The following DAB1 variants were observed in gnomAD, a reference collection of about 807,000 sequenced individuals.
DAB1 encodes the protein disabled homolog 1.
DAB1 carries 15 observed loss-of-function variants against 64.6 expected under a neutral mutation model. That is an observed-to-expected ratio of 0.23 (90% CI 0.16 to 0.36). DAB1 has a LOEUF of 0.36. Ranked by LOEUF, DAB1 falls within the 10% of genes least tolerant of loss-of-function variation. DAB1 has a pLI of 1.00. For synonymous variants in DAB1, 235 were observed against 251.9 expected (o/e 0.93, Z 0.64); for missense variants, 596 against 706.7 (o/e 0.84, Z 1.78).
chr1:58,182,514 C>G (rs1410709494), intron 4 of DAB1, among the ~76,000 whole-genome samples: 1 of 151,862 alleles, frequency 6.6e-6, no homozygotes, highest in Non-Finnish European at 1.5e-5. Flanking sequence ...TGGATAAGTC[C>G]TATTTATCTA....
rs76594634 is a variant in DAB1 at position 58,341,420 on chromosome 1, C to G, written n.309+1932G>C. 6.4e-3 allele frequency among the ~76,000 whole-genome samples: 970 copies of G among 152,278 alleles called. 7 individuals are homozygous for G. The highest frequency in any genetic ancestry group is 0.021 in the African/African-American group (879 of 41,554). ...ATTCCCAGTTTCATGCTCTTTCAAT[C>G]TACTCTACCACTTATGATAGTGGGA... is the stretch of plus-strand genomic sequence containing the variant. On this transcript the variant is annotated intron_variant and non_coding_transcript_variant, in intron 4 of 20. Coordinates refer to the DAB1 transcript ENST00000485760.
intron 1 of DAB1, among the ~76,000 whole-genome samples, chr1:58,546,012 G>A (rs1646697118): frequency 6.6e-6 from 1 of 152,174 alleles, no homozygotes; most frequent in Non-Finnish European, 1.5e-5. Flanking sequence ...TGCCAAATAA[G>A]GGATTTTCAT....
At chr1:58,533,385 A>G (rs2100480304) in intron 1 of DAB1, among the ~76,000 whole-genome samples, 1 of 152,358 alleles carries the variant, frequency 6.6e-6, no homozygotes, top group East Asian at 1.9e-4. Flanking sequence ...TATATAAAAT[A>G]GTAATAATAA....
intron 4 of DAB1, among the ~76,000 whole-genome samples, chr1:57,106,975 A>G (rs763102247): frequency 1.3e-5 from 2 of 152,218 alleles, no homozygotes; most frequent in Non-Finnish European, 2.9e-5. Context: ...TGGTCAGGTT[A>G]TCATGAGGCT....
intron 4 of DAB1, among the ~76,000 whole-genome samples, chr1:58,181,167 T>C (rs142561536): frequency 1.2e-3 from 190 of 152,278 alleles, no homozygotes; most frequent in East Asian, 6.9e-3. Context: ...TAGTTGCATA[T>C]ATATTTTAAT....
chr1:57,260,178 T>C (rs550726181), intron 2 of DAB1, among the ~76,000 whole-genome samples: 1 of 152,160 alleles, frequency 6.6e-6, no homozygotes, highest in Non-Finnish European at 1.5e-5. Flanking sequence ...ACACCAGGGC[T>C]GTGCTCTGTG....
At chr1:58,507,256 T>C (rs150643535) in intron 2 of DAB1, among the ~76,000 whole-genome samples, 1 of 152,026 alleles carries the variant, frequency 6.6e-6, no homozygotes, top group Admixed American at 6.6e-5. Flanking sequence ...TTCCCAATGA[T>C]TTTATTTTTG....
chr1:58,172,172 G>A (rs1387122123), intron 4 of DAB1, among the ~76,000 whole-genome samples: 1 of 152,188 alleles, frequency 6.6e-6, no homozygotes, highest in Non-Finnish European at 1.5e-5. Flanking sequence ...GCAGGCCCTA[G>A]TACAACCTCC....
At chr1:57,151,850 A>G (rs569416841) in intron 2 of DAB1, among the ~76,000 whole-genome samples, 3 of 111,242 alleles carry the variant, frequency 2.7e-5, no homozygotes, top group Admixed American at 1.4e-4. Flanking sequence ...GTCTCGCTCT[A>G]TTGCCCAGGC....
chr1:57,883,562 TTC>T (rs1644177818), intron 1 of DAB1, among the ~76,000 whole-genome samples: 2 of 152,360 alleles, frequency 1.3e-5, no homozygotes, highest in African/African-American at 4.8e-5. Flanking sequence ...AGCAGCATAT[TTC>T]TGTCACTTAT....
At chr1:57,554,021 G>C (rs1644958527) in intron 7 of DAB1, among the ~76,000 whole-genome samples, 1 of 152,200 alleles carries the variant, frequency 6.6e-6, no homozygotes, top group African/African-American at 2.4e-5. Context: ...TTGAGGATGA[G>C]AGAGACCTAA....
At chr1:58,330,133 G>A (rs1371561420) in intron 4 of DAB1, among the ~76,000 whole-genome samples, 2 of 152,178 alleles carry the variant, frequency 1.3e-5, no homozygotes, top group African/African-American at 4.8e-5. Flanking sequence ...AATTAGAAGT[G>A]CCACTCCAGT....
rs542582750 is a variant in DAB1, at chr1:58,107,237, G to A, written n.387+43274C>T. The stretch of plus-strand genomic sequence containing the variant: ...GCACTTTGGGAGGCTGAGGTAGGTG[G>A]ATCACAAGTTCAGGAGTTTGAGATC... On this transcript the variant is annotated intron_variant and non_coding_transcript_variant, in intron 5 of 20. Transcript: ENST00000485760. Among the ~76,000 whole-genome samples, 5 of 149,412 alleles carry A rather than the reference G, an allele frequency of 3.3e-5. No individual in the cohort carries two copies. In the South Asian group the frequency reaches 1.1e-3, roughly 32 times the overall value.
chr1:57,580,063 C>T (rs573105069), intron 7 of DAB1, among the ~76,000 whole-genome samples: 231 of 152,150 alleles, frequency 1.5e-3, no homozygotes, highest in Middle Eastern at 6.8e-3. Flanking sequence ...TTGGGTAATT[C>T]CAACGTGCTC....
intron 1 of DAB1, chr1:58,536,699 CTTCT>C: frequency 2.3e-6 from 2 of 872,760 alleles, no homozygotes. Context: ...TAACTACTTC[CTTCT>C]TGTTAGGAGG....
At chr1:57,801,905 G>A (rs143610999) in intron 6 of DAB1, among the ~76,000 whole-genome samples, 188 of 152,208 alleles carry the variant, frequency 1.2e-3, no homozygotes, top group African/African-American at 4.2e-3. Flanking sequence ...CAATCCAACC[G>A]CCTTGGCTCC....
chr1:57,648,160 C>T lies in DAB1; in HGVS notation n.625+1432G>A, dbSNP rs138833778. Among the ~76,000 whole-genome samples, 207 of 152,304 alleles carry T rather than the reference C, an allele frequency of 1.4e-3. 1 individual carries two copies. The highest frequency in any genetic ancestry group is 4.9e-3 in the African/African-American group (203 of 41,570). On this transcript the variant is annotated intron_variant and non_coding_transcript_variant, in intron 7 of 20. Transcript: ENST00000485760. ...GGAAAGGCAATAATAAAAGATCAAA[C>T]TCAGTCCAGCATCAAATGATCAGCC... is the stretch of plus-strand genomic sequence containing the variant.
chr1:58,447,864 A>C (rs1740342), intron 3 of DAB1, among the ~76,000 whole-genome samples: 73,086 of 151,334 alleles, frequency 0.48, 17,954 homozygotes, highest in Admixed American at 0.58. Flanking sequence ...AAACAAAAAA[A>C]AAAAAAAAGT....
At chr1:57,370,606 A>G (rs953281400) in intron 1 of DAB1, among the ~76,000 whole-genome samples, 4 of 123,632 alleles carry the variant, frequency 3.2e-5, no homozygotes, top group Non-Finnish European at 5.3e-5. Context: ...GATTTAAAAG[A>G]CAAACAGAGA....
Sources: gnomAD v4.1 joint callset for allele counts (sites outside exome capture counted in the v4.1 genomes callset) on GRCh38, gnomAD v4.1.1 for gene constraint, MANE v1.5 for transcripts, NCBI Gene and HGNC (gene_info 2026-07-23, HGNC 2026-07-21) for gene names.